RYR2: variants seen among roughly 807,000 people sequenced by gnomAD.
RYR2 encodes ryanodine receptor 2.
A neutral mutation model predicts 601.1 loss-of-function variants in RYR2; 227 were observed. The ratio of observed to expected loss-of-function variants is 0.38; its 90% CI spans 0.34 to 0.42. RYR2 has a LOEUF of 0.42. Ranked by LOEUF, RYR2 falls within the 10% of genes least tolerant of loss-of-function variation. The probability of loss-of-function intolerance (pLI) is 1.00; values close to 1 mark genes in which losing one functional copy is unlikely to be tolerated. For missense variants in RYR2, 4,646 were observed against 6,156.5 expected, an observed-to-expected ratio of 0.75 and a Z score of 8.21; for synonymous variants, 2,223 against 2,175.1, an observed-to-expected ratio of 1.02 and a Z score of -0.61.
chr1:237,394,446 T>G (rs1026491816), intron 10 of RYR2, among the ~76,000 whole-genome samples: 6 of 152,212 alleles, frequency 3.9e-5, no homozygotes, highest in African/African-American at 1.2e-4. Context: ...GTAATGCTTC[T>G]TGGGATGCTG....
At chr1:237,199,256 A>G (rs1319208473) in intron 1 of RYR2, among the ~76,000 whole-genome samples, 1 of 152,218 alleles carries the variant, frequency 6.6e-6, no homozygotes, top group Non-Finnish European at 1.5e-5. Context: ...TCACAAGGTG[A>G]GGTCCCACAA....
intron 1 of RYR2, among the ~76,000 whole-genome samples, chr1:237,174,774 G>A (rs962335494): frequency 6.6e-6 from 1 of 152,178 alleles, no homozygotes; most frequent in Admixed American, 6.5e-5. Context: ...GGACTCTGCT[G>A]TTAGAAATAC....
At chr1:237,388,204 C>T (rs770698944) in intron 10 of RYR2, 21 bp downstream of exon 10, 23 of 1,593,342 alleles carry the variant, frequency 1.4e-5, no homozygotes, top group Non-Finnish European at 1.9e-5. Flanking sequence ...GAGCTCATTG[C>T]ATTGAGACTT....
intron 80 of RYR2, among the ~76,000 whole-genome samples, chr1:237,754,640 A>T (rs548299168): frequency 1.8e-4 from 28 of 152,338 alleles, no homozygotes; most frequent in African/African-American, 6.7e-4. Flanking sequence ...TCACAAAAGG[A>T]GCTGGTTAAG....
chr1:237,801,534 T>A (rs551760951), intron 97 of RYR2, among the ~76,000 whole-genome samples: 2 of 133,184 alleles, frequency 1.5e-5, no homozygotes, highest in East Asian at 2.3e-4. Context: ...TGAGTGCAAC[T>A]CTGTCTCAAA....
intron 16 of RYR2, among the ~76,000 whole-genome samples, chr1:237,461,508 T>A (rs1167408555): frequency 6.6e-6 from 1 of 152,156 alleles, no homozygotes; most frequent in African/African-American, 2.4e-5. Flanking sequence ...TTCTTTTAAT[T>A]CTTGGTCCGG....
chr1:237,473,327 G>A (rs1211274238), intron 17 of RYR2, among the ~76,000 whole-genome samples: 1 of 151,982 alleles, frequency 6.6e-6, no homozygotes, highest in Non-Finnish European at 1.5e-5. Flanking sequence ...GGGAGGCCGA[G>A]GCATGAGAAT....
At chr1:237,125,509 C>T (rs1274500527) in intron 1 of RYR2, among the ~76,000 whole-genome samples, 1 of 151,410 alleles carries the variant, frequency 6.6e-6, no homozygotes, top group Admixed American at 6.6e-5. Context: ...AACGCTTTAA[C>T]ATACTTTACT....
chr1:237,646,060 G>A lies in RYR2; in HGVS notation c.7343-2384G>A, dbSNP rs150925986. 3.0e-3 allele frequency among the ~76,000 whole-genome samples: 456 copies of A among 151,962 alleles called. 2 individuals are homozygous for A. The highest frequency in any genetic ancestry group is 0.01 in the African/African-American group (431 of 41,486). ...CCCGGCTAATTCTTTTGTATTTTTC[G>A]TAGACACGGGGTTTCACCATGTTAG... On this transcript the variant is annotated intron_variant, in intron 48 of 104. Coordinates refer to ENST00000366574, the MANE Select transcript of RYR2 (RefSeq NM_001035.3).
intron 29 of RYR2, among the ~76,000 whole-genome samples, chr1:237,580,406 C>T (rs1239810372): frequency 1.3e-5 from 2 of 151,666 alleles, no homozygotes; most frequent in Non-Finnish European, 2.9e-5. Flanking sequence ...ATCCGCCTGC[C>T]TCAGCCTCCA....
At chr1:237,449,944 AGTTTGATTT>A (rs922426552) in intron 14 of RYR2, among the ~76,000 whole-genome samples, 16 of 151,950 alleles carry the variant, frequency 1.1e-4, no homozygotes, top group African/African-American at 3.4e-4. Flanking sequence ...ACCTAGGAAG[AGTTTGATTT>A]GTTTGGATCT....
chr1:237,141,186 T>A (rs1673351270), intron 1 of RYR2, among the ~76,000 whole-genome samples: 1 of 152,232 alleles, frequency 6.6e-6, no homozygotes, highest in Admixed American at 6.5e-5. Flanking sequence ...GAATTTCTAG[T>A]ACCATGGTTT....
intron 98 of RYR2, among the ~76,000 whole-genome samples, chr1:237,802,879 T>A (rs2149423259): frequency 6.6e-6 from 1 of 152,360 alleles, no homozygotes; most frequent in East Asian, 1.9e-4. Context: ...TTTTTTGTCC[T>A]CTTGATAACT....
At chr1:237,201,505 G>A (rs944441213) in intron 1 of RYR2, among the ~76,000 whole-genome samples, 20 of 152,132 alleles carry the variant, frequency 1.3e-4, no homozygotes, top group African/African-American at 4.8e-4. Flanking sequence ...GCAGACATGG[G>A]TAGGATGCTT....
intron 1 of RYR2, among the ~76,000 whole-genome samples, chr1:237,045,862 G>T (rs1419935095): frequency 7.8e-6 from 1 of 129,028 alleles, no homozygotes. Context: ...AAATGACCTT[G>T]GTCAAGGTTT....
intron 58 of RYR2, among the ~76,000 whole-genome samples, chr1:237,670,039 C>T (rs1262432230): frequency 6.6e-6 from 1 of 152,306 alleles, no homozygotes; most frequent in Non-Finnish European, 1.5e-5. Flanking sequence ...GCAATCCTGG[C>T]ACCTCCAGAG....
chr1:237,811,211 GGA>G (rs886493312), intron 100 of RYR2, among the ~76,000 whole-genome samples: 1 of 152,158 alleles, frequency 6.6e-6, no homozygotes, highest in African/African-American at 2.4e-5. Context: ...CTGGCAGGGA[GGA>G]GAGAACAGAA....
chr1:237,779,143 T>A (rs1183553035), intron 88 of RYR2, among the ~76,000 whole-genome samples: 1 of 152,162 alleles, frequency 6.6e-6, no homozygotes, highest in East Asian at 1.9e-4. Context: ...GGTTTTATAA[T>A]CTGTTACAAG....
chr1:237,120,167 A>AT (rs778701956), intron 1 of RYR2, among the ~76,000 whole-genome samples: 12 of 151,200 alleles, frequency 7.9e-5, no homozygotes, highest in South Asian at 4.2e-4. Flanking sequence ...TTTAATAGTC[A>AT]TTTTTTTTTA....
Sources: gnomAD v4.1 joint callset for allele counts (sites outside exome capture counted in the v4.1 genomes callset) on GRCh38, gnomAD v4.1.1 for gene constraint, MANE v1.5 for transcripts, NCBI Gene and HGNC (gene_info 2026-07-23, HGNC 2026-07-21) for gene names.